The following PSMA1 variants were observed in gnomAD, a reference collection of about 807,000 sequenced individuals.
PSMA1 encodes the protein proteasome subunit alpha type-1.
In PSMA1, 3 loss-of-function variants were observed where a neutral mutation model predicts 38.4. The ratio of observed to expected loss-of-function variants is 0.08; its 90% CI spans 0.04 to 0.20. The LOEUF (loss-of-function observed/expected upper bound fraction) is 0.20. Ranked by LOEUF, PSMA1 falls within the 10% of genes least tolerant of loss-of-function variation. PSMA1 has a pLI of 1.00. For missense variants in PSMA1, 227 were observed against 325.3 expected (o/e 0.70, Z 2.32); for synonymous variants, 101 against 107.1 (o/e 0.94, Z 0.35).
At chr11:14,511,127 G>T in intron 7 of PSMA1, 176 bp from the exon 8 acceptor site, 1 of 404,886 alleles carries the variant, frequency 2.5e-6, no homozygotes, top group South Asian at 5.6e-5. Context: ...CTATGACATT[G>T]CTGATTCTTA....
At chr11:14,520,244 C>T in intron 1 of PSMA1, 53 bp downstream of exon 1, 2 of 1,612,288 alleles carry the variant, frequency 1.2e-6, no homozygotes, top group African/African-American at 1.3e-5. Context: ...CTCGTCATCC[C>T]CCAGTCACCA....
At chr11:14,554,540 G>A (rs1218424630) in intron 2 of PSMA1, among the ~76,000 whole-genome samples, 1 of 152,214 alleles carries the variant, frequency 6.6e-6, no homozygotes, top group African/African-American at 2.4e-5. Flanking sequence ...TTGACATCCA[G>A]TTGCTCTAGC....
At chr11:14,622,695 A>T (rs1196517181) in intron 1 of PSMA1, among the ~76,000 whole-genome samples, 17 of 152,212 alleles carry the variant, frequency 1.1e-4, no homozygotes, top group Admixed American at 1.1e-3. Flanking sequence ...GGCGTATTCC[A>T]AACCTATGAA....
At position 14,514,429 on chromosome 11, in the gene PSMA1, G is replaced by A. The variant is rs1851394452; in HGVS notation, c.317C>T (p.Ser106Phe). 1.9e-6 allele frequency: 3 copies of A among 1,607,798 alleles called. No homozygotes were observed. The highest frequency in any genetic ancestry group is 2.2e-5 in the East Asian group (1 of 44,650). ...RFVFDRPLPVSRLVSLIGSKT... is the reference protein window; with the variant it reads ...RFVFDRPLPVFRLVSLIGSKT... ...GCTTCCAATTAGAGATACAAGACGA[G>A]ACACAGGCAGTGGTCTATCGAATAC... Residue 106 changes from serine (S) to phenylalanine (F), a missense_variant, in exon 5 of 10, where the codon TCT becomes TTT. Coordinates refer to ENST00000396394, the MANE Select transcript of PSMA1 (RefSeq NM_002786.4).
At chr11:14,620,065 T>C (rs1431071763) in intron 1 of PSMA1, among the ~76,000 whole-genome samples, 1 of 151,512 alleles carries the variant, frequency 6.6e-6, no homozygotes, top group Non-Finnish European at 1.5e-5. Flanking sequence ...CGTGTGTGTG[T>C]GCGTGTGTGT....
At chr11:14,603,769 A>T (rs1177354051) in intron 2 of PSMA1, among the ~76,000 whole-genome samples, 1 of 152,256 alleles carries the variant, frequency 6.6e-6, no homozygotes, top group Non-Finnish European at 1.5e-5. Context: ...CAAATTAAGT[A>T]TTTATACAAA....
chr11:14,535,710 G>T (rs1338585638), intron 2 of PSMA1, among the ~76,000 whole-genome samples: 1 of 152,064 alleles, frequency 6.6e-6, no homozygotes, highest in Non-Finnish European at 1.5e-5. Flanking sequence ...CTCCCAAAGT[G>T]CTGGGATTAC....
chr11:14,629,002 G>T (rs1330921621), intron 1 of PSMA1, among the ~76,000 whole-genome samples: 90 of 151,158 alleles, frequency 6.0e-4, no homozygotes, highest in African/African-American at 1.9e-3. Context: ...TCGCCCACTT[G>T]TTGATGGGGT....
chr11:14,607,166 G>C (rs1009522287), intron 2 of PSMA1, among the ~76,000 whole-genome samples: 1 of 152,220 alleles, frequency 6.6e-6, no homozygotes, highest in Admixed American at 6.5e-5. Context: ...GAGCCGACAG[G>C]AGTATTGTGC....
At chr11:14,591,595 C>T (rs1262199299) in intron 2 of PSMA1, among the ~76,000 whole-genome samples, 1 of 152,140 alleles carries the variant, frequency 6.6e-6, no homozygotes, top group African/African-American at 2.4e-5. Context: ...CAATCAGCAC[C>T]CTGTGTCTAG....
At chr11:14,576,624 G>C (rs979869404) in intron 2 of PSMA1, among the ~76,000 whole-genome samples, 1 of 152,130 alleles carries the variant, frequency 6.6e-6, no homozygotes, top group Non-Finnish European at 1.5e-5. Flanking sequence ...GCTCTGTTCT[G>C]TTCCATTGAT....
chr11:14,629,150 G>C (rs1852963505), intron 1 of PSMA1, among the ~76,000 whole-genome samples: 1 of 152,076 alleles, frequency 6.6e-6, no homozygotes, highest in Non-Finnish European at 1.5e-5. Context: ...TTCTTTTGCT[G>C]TGCAGAAGCT....
chr11:14,574,086 A>T (rs182482621), intron 2 of PSMA1, among the ~76,000 whole-genome samples: 95 of 152,318 alleles, frequency 6.2e-4, no homozygotes, highest in Non-Finnish European at 1.2e-3. Context: ...AAGTTTGGAA[A>T]ATTCACAGCC....
chr11:14,520,484 G>T (rs112207420), upstream of PSMA1: 13 of 1,467,312 alleles, frequency 8.9e-6, no homozygotes, highest in African/African-American at 5.6e-5. Flanking sequence ...AAAACTTTCC[G>T]ACCGCTCGGC....
At chr11:14,518,904 C>T in intron 2 of PSMA1, 93 bp downstream of exon 2, 1 of 1,008,574 alleles carries the variant, frequency 9.9e-7, no homozygotes, top group South Asian at 1.7e-5. Context: ...AATTATATTC[C>T]ATTTTCCCCA....
At chr11:14,592,589 G>A (rs1400488062) in intron 2 of PSMA1, among the ~76,000 whole-genome samples, 1 of 152,070 alleles carries the variant, frequency 6.6e-6, no homozygotes, top group Non-Finnish European at 1.5e-5. Flanking sequence ...GTTTCACCGT[G>A]TTAGCCAGGA....
At chr11:14,599,899 T>C (rs1324095918) in intron 2 of PSMA1, among the ~76,000 whole-genome samples, 1 of 152,246 alleles carries the variant, frequency 6.6e-6, no homozygotes, top group Non-Finnish European at 1.5e-5. Flanking sequence ...TGGTCTTTGA[T>C]GTTGGTGACC....
intron 2 of PSMA1, among the ~76,000 whole-genome samples, chr11:14,561,999 G>A (rs1852015809): frequency 6.6e-6 from 1 of 152,138 alleles, no homozygotes; most frequent in African/African-American, 2.4e-5. Context: ...CACAGGTGTT[G>A]GAAAGCTGGA....
At chr11:14,517,195 G>A (rs895469880) in intron 4 of PSMA1, among the ~76,000 whole-genome samples, 3 of 152,100 alleles carry the variant, frequency 2.0e-5, no homozygotes, top group East Asian at 1.9e-4. Context: ...GTTCCCTTAA[G>A]ACAAGATCCA....
Sources: allele counts gnomAD v4.1 joint callset (sites outside exome capture counted in the v4.1 genomes callset), GRCh38; gene constraint gnomAD v4.1.1; transcripts MANE v1.5; gene names NCBI Gene and HGNC (gene_info 2026-07-23, HGNC 2026-07-21).